The following HS6ST3 variants were observed in gnomAD, a reference collection of about 807,000 sequenced individuals.
HS6ST3 encodes the protein heparan-sulfate 6-O-sulfotransferase 3.
In HS6ST3, 12 loss-of-function variants were observed where a neutral mutation model predicts 36.7. The observed-to-expected ratio is 0.33, with a 90% CI of 0.21 to 0.53. The LOEUF (loss-of-function observed/expected upper bound fraction) is 0.53. Among genes scored for constraint, HS6ST3 ranks in the 20% least tolerant of loss-of-function variants. The pLI is 0.95. For synonymous variants in HS6ST3, 240 were observed against 257.5 expected (o/e 0.93, Z 0.65); for missense variants, 584 against 640.9 (o/e 0.91, Z 0.96).
intron 1 of HS6ST3, among the ~76,000 whole-genome samples, chr13:96,479,992 T>C (rs889700972): frequency 6.6e-6 from 1 of 152,092 alleles, no homozygotes; most frequent in Non-Finnish European, 1.5e-5. Flanking sequence ...GTGGGCCCAC[T>C]CAGTGACAGG....
rs145212249 is a variant in HS6ST3, at chr13:96,647,298, T to C, written c.708-185192T>C. Among the ~76,000 whole-genome samples, 7 of 152,168 alleles carry C rather than the reference T, an allele frequency of 4.6e-5. No homozygotes were observed. In the East Asian group the frequency reaches 1.4e-3, roughly 29 times the overall value. ...TTGTATGCTGTAACCCAAATCTAAA[T>C]AGAACTTTAAAAAAGTGATATCACA... is the stretch of plus-strand genomic sequence containing the variant. On this transcript the variant is annotated intron_variant, in intron 1 of 1. Coordinates refer to ENST00000376705, the MANE Select transcript of HS6ST3 (RefSeq NM_153456.4).
chr13:96,133,226 T>C (rs891461973), intron 1 of HS6ST3, among the ~76,000 whole-genome samples: 1 of 152,132 alleles, frequency 6.6e-6, no homozygotes, highest in South Asian at 2.1e-4. Flanking sequence ...CCTTCCGGTT[T>C]CAAGTGATTC....
intron 1 of HS6ST3, among the ~76,000 whole-genome samples, chr13:96,644,744 A>G (rs2056581965): frequency 6.6e-6 from 1 of 152,020 alleles, no homozygotes; most frequent in South Asian, 2.1e-4. Flanking sequence ...GAATTGTCAT[A>G]GGAGCATGTT....
chr13:96,627,892 A>AT (rs1261304215), intron 1 of HS6ST3, among the ~76,000 whole-genome samples: 20 of 151,666 alleles, frequency 1.3e-4, no homozygotes, highest in African/African-American at 3.9e-4. Context: ...CATCTCAGTT[A>AT]TTGTTTATTT....
chr13:96,435,630 G>A (rs1275544821), intron 1 of HS6ST3, among the ~76,000 whole-genome samples: 3 of 152,156 alleles, frequency 2.0e-5, no homozygotes, highest in Non-Finnish European at 4.4e-5. Context: ...GGAAGCCCTC[G>A]CATATTGGTT....
intron 1 of HS6ST3, among the ~76,000 whole-genome samples, chr13:96,684,716 C>T (rs1874721509): frequency 6.6e-6 from 1 of 151,980 alleles, no homozygotes; most frequent in Admixed American, 6.6e-5. Context: ...AACTGACAGC[C>T]CTAACCTGTT....
At chr13:96,502,219 T>C (rs1310683557) in intron 1 of HS6ST3, among the ~76,000 whole-genome samples, 2 of 152,206 alleles carry the variant, frequency 1.3e-5, no homozygotes, top group Non-Finnish European at 2.9e-5. Flanking sequence ...CAGTTTCTGA[T>C]ATCTGGTAGT....
At chr13:96,542,888 A>G (rs1474380382) in intron 1 of HS6ST3, among the ~76,000 whole-genome samples, 1 of 152,174 alleles carries the variant, frequency 6.6e-6, no homozygotes, top group Non-Finnish European at 1.5e-5. Flanking sequence ...GTAACTGAGT[A>G]CTTCTCTGTT....
chr13:96,271,630 C>G (rs750328363), intron 1 of HS6ST3, among the ~76,000 whole-genome samples: 23 of 152,090 alleles, frequency 1.5e-4, no homozygotes, highest in Admixed American at 1.1e-3. Context: ...GAAACTTACA[C>G]TACTTTGGAA....
Position 96,090,966 on chromosome 13 carries a change from C to G in HS6ST3, c.104C>G (p.Thr35Ser). 1 of 1,422,376 alleles carries G rather than the reference C, an allele frequency of 7.0e-7. No homozygotes were observed. 88.1% of individuals were successfully genotyped at this position (1,422,376 alleles called of 1,614,324 possible). A position where few individuals can be genotyped will look rare whatever the true frequency, so the allele number is the denominator to read the frequency against. The change falls in exon 1 of 2, where the codon ACC becomes AGC. Residue 35 changes from threonine to serine, a missense_variant. Thr to Ser is a moderately conservative substitution (Grantham distance 58, BLOSUM62 1). Coordinates refer to ENST00000376705, the MANE Select transcript of HS6ST3 (RefSeq NM_153456.4). ...YVSPSCTSSC[T>S]NFGEQPRAGE... ...TCCCCCTCCTGCACCAGCTCCTGCA[C>G]CAACTTCGGGGAGCAGCCCCGCGCG...
intron 1 of HS6ST3, among the ~76,000 whole-genome samples, chr13:96,300,098 C>CCAG (rs2054874608): frequency 6.9e-6 from 1 of 145,912 alleles, no homozygotes; most frequent in Non-Finnish European, 1.5e-5. Context: ...ACTCTGTCAC[C>CCAG]CAGGATGGAG....
At chr13:96,743,641 G>T (rs1876494458) in intron 1 of HS6ST3, among the ~76,000 whole-genome samples, 1 of 152,024 alleles carries the variant, frequency 6.6e-6, no homozygotes, top group Non-Finnish European at 1.5e-5. Context: ...CTGAGTCCTT[G>T]TGGTGTGTGA....
chr13:96,718,719 A>C (rs1188471015), intron 1 of HS6ST3, among the ~76,000 whole-genome samples: 1 of 152,242 alleles, frequency 6.6e-6, no homozygotes, highest in Non-Finnish European at 1.5e-5. Flanking sequence ...ACTACTGGGC[A>C]CAGAAGAGGC....
chr13:96,176,838 T>C (rs2054214675), intron 1 of HS6ST3, among the ~76,000 whole-genome samples: 1 of 152,144 alleles, frequency 6.6e-6, no homozygotes, highest in Admixed American at 6.6e-5. Context: ...ACAGACAACC[T>C]ACAGAATGGG....
At chr13:96,812,308 C>G (rs766659456) in intron 1 of HS6ST3, among the ~76,000 whole-genome samples, 60 of 152,136 alleles carry the variant, frequency 3.9e-4, no homozygotes, top group Admixed American at 6.5e-4. Context: ...CAATATTTCC[C>G]CATATGCCTT....
intron 1 of HS6ST3, among the ~76,000 whole-genome samples, chr13:96,632,685 A>G (rs1305055720): frequency 6.6e-6 from 1 of 152,198 alleles, no homozygotes; most frequent in Non-Finnish European, 1.5e-5. Context: ...AGCTCTGAGA[A>G]CAGTATATGA....
intron 1 of HS6ST3, among the ~76,000 whole-genome samples, chr13:96,815,241 A>G (rs555209300): frequency 4.6e-5 from 7 of 152,044 alleles, no homozygotes; most frequent in Non-Finnish European, 1.0e-4. Context: ...TGCCTTGTAG[A>G]TGGGGTTCTC....
chr13:96,107,136 T>A (rs575782285), intron 1 of HS6ST3, among the ~76,000 whole-genome samples: 1 of 152,250 alleles, frequency 6.6e-6, no homozygotes, highest in South Asian at 2.1e-4. Context: ...TGAGGTTGGG[T>A]GATACACAAT....
At chr13:96,162,492 C>T (rs1489702070) in intron 1 of HS6ST3, among the ~76,000 whole-genome samples, 2 of 152,166 alleles carry the variant, frequency 1.3e-5, no homozygotes, top group African/African-American at 4.8e-5. Flanking sequence ...GCTGGAGAAA[C>T]ATCCCTGTGG....
Sources: allele counts gnomAD v4.1 joint callset (sites outside exome capture counted in the v4.1 genomes callset), GRCh38; gene constraint gnomAD v4.1.1; transcripts MANE v1.5; gene names NCBI Gene and HGNC (gene_info 2026-07-23, HGNC 2026-07-21).